OSMR: variants seen among roughly 807,000 people sequenced by gnomAD.
The protein encoded by OSMR is oncostatin-M-specific receptor subunit beta.
Under a neutral mutation model 99.9 loss-of-function variants are expected in OSMR, and 81 were observed. The observed-to-expected ratio is 0.81, with a 90% CI of 0.68 to 0.97. OSMR has a LOEUF of 0.97. Among genes scored for constraint, OSMR ranks in the 50% least tolerant of loss-of-function variants. The pLI is 0.00. For missense variants in OSMR, 1,099 were observed against 1,153.4 expected (o/e 0.95, Z 0.68); for synonymous variants, 406 against 410.4 (o/e 0.99, Z 0.13).
intron 9 of OSMR, among the ~76,000 whole-genome samples, chr5:38,910,057 A>G (rs905156096): frequency 6.6e-6 from 1 of 152,242 alleles, no homozygotes; most frequent in Admixed American, 6.5e-5. Flanking sequence ...CAAAACAGAA[A>G]AAAGCAGGGA....
chr5:38,919,371 T>C (rs777099754), intron 11 of OSMR: 1 of 1,340,576 alleles, frequency 7.5e-7, no homozygotes. Flanking sequence ...CCACTGAGAG[T>C]TGGAGTTACT....
intron 3 of OSMR, 54 bp downstream of exon 3, chr5:38,876,427 C>T (rs760705813): frequency 2.1e-6 from 3 of 1,442,398 alleles, no homozygotes; most frequent in Non-Finnish European, 2.9e-6. Context: ...AAAAAGACAC[C>T]TTGGTTTTCT....
intron 9 of OSMR, among the ~76,000 whole-genome samples, chr5:38,907,116 T>C (rs1157276297): frequency 6.6e-6 from 1 of 152,156 alleles, no homozygotes; most frequent in East Asian, 1.9e-4. Context: ...GCTGATGATA[T>C]GATTCTATAC....
intron 1 of OSMR, among the ~76,000 whole-genome samples, chr5:38,853,934 C>A (rs1404065857): frequency 6.6e-6 from 1 of 151,898 alleles, no homozygotes; most frequent in Non-Finnish European, 1.5e-5. Flanking sequence ...GACTGTGGAG[C>A]CTTGAGGAGG....
intron 15 of OSMR, among the ~76,000 whole-genome samples, chr5:38,926,295 G>A (rs1020186206): frequency 4.6e-5 from 7 of 152,204 alleles, no homozygotes; most frequent in Non-Finnish European, 8.8e-5. Flanking sequence ...TGACCCTGGA[G>A]TGCCCTGACT....
At chr5:38,911,288 T>C (rs923229893) in intron 9 of OSMR, among the ~76,000 whole-genome samples, 2 of 152,142 alleles carry the variant, frequency 1.3e-5, no homozygotes, top group African/African-American at 4.8e-5. Flanking sequence ...CTCTCAGAGA[T>C]TACTGTGAGC....
At chr5:38,924,803 T>C (rs985096624) in intron 14 of OSMR, among the ~76,000 whole-genome samples, 3 of 152,068 alleles carry the variant, frequency 2.0e-5, no homozygotes, top group Non-Finnish European at 4.4e-5. Flanking sequence ...AAAAACAATA[T>C]GACTTGGTAT....
At chr5:38,925,454 C>G in intron 15 of OSMR, 83 bp downstream of exon 15, 2 of 1,252,322 alleles carry the variant, frequency 1.6e-6, no homozygotes, top group Non-Finnish European at 2.3e-6. Context: ...TAGGCTTTGT[C>G]TAGATCAGGA....
rs950674645 is a variant in OSMR, at chr5:38,933,483, TAAG to T, written c.*44_*46del. Reference sequence around the variant, plus strand: ...TTCATACCTTATGCTACACAGACATTAAGAAGAGCAGAGCTGGCACCCTGTCAT... The same window carrying T: ...TTCATACCTTATGCTACACAGACATTAAGAGCAGAGCTGGCACCCTGTCAT... On this transcript the variant is annotated 3_prime_UTR_variant, in exon 18 of 18. Coordinates refer to ENST00000274276, the MANE Select transcript of OSMR (RefSeq NM_003999.3). The T allele has an allele frequency of 1.2e-6, 2 of 1,611,490 alleles. No homozygotes were observed. The highest frequency in any genetic ancestry group is 2.7e-5 in the African/African-American group (2 of 74,870).
At chr5:38,877,955 G>A in intron 3 of OSMR, among the ~76,000 whole-genome samples, 1 of 152,184 alleles carries the variant, frequency 6.6e-6, no homozygotes, top group South Asian at 2.1e-4. Context: ...AATCTTCTAG[G>A]GCTCAAGACC....
chr5:38,937,766 T>C (rs1747131613), downstream of OSMR, among the ~76,000 whole-genome samples: 1 of 152,246 alleles, frequency 6.6e-6, no homozygotes, highest in African/African-American at 2.4e-5. This position sits in a 1 kb window ranked among gnomAD's most constrained non-coding sequence, Gnocchi z 4.0. Flanking sequence ...AGAGTATTAC[T>C]TTAAAATATT....
intron 9 of OSMR, among the ~76,000 whole-genome samples, chr5:38,913,205 A>G (rs1188403733): frequency 6.6e-6 from 1 of 152,128 alleles, no homozygotes; most frequent in Admixed American, 6.5e-5. Context: ...TCCAGCATCT[A>G]TAAGGAACTT....
At chr5:38,902,511 GT>G (rs1744961141) in intron 7 of OSMR, among the ~76,000 whole-genome samples, 1 of 152,184 alleles carries the variant, frequency 6.6e-6, no homozygotes, top group Non-Finnish European at 1.5e-5. Context: ...ATATTGTCAT[GT>G]GGGCTCCAGT....
At chr5:38,901,688 A>T (rs116339028) in intron 7 of OSMR, among the ~76,000 whole-genome samples, 2 of 152,310 alleles carry the variant, frequency 1.3e-5, no homozygotes, top group Admixed American at 1.3e-4. Flanking sequence ...AGAGACTCCA[A>T]TCAGCGTGCA....
intron 3 of OSMR, among the ~76,000 whole-genome samples, chr5:38,880,822 A>G (rs957558667): frequency 1.3e-5 from 2 of 152,228 alleles, no homozygotes; most frequent in African/African-American, 4.8e-5. Context: ...CGGGCCTTTG[A>G]AGCCTGTGGA....
intron 1 of OSMR, among the ~76,000 whole-genome samples, chr5:38,856,526 G>A (rs1302573583): frequency 6.7e-6 from 1 of 149,098 alleles, no homozygotes; most frequent in Non-Finnish European, 1.5e-5. Flanking sequence ...CAACATGTGT[G>A]AACTGATGAC....
intron 4 of OSMR, among the ~76,000 whole-genome samples, chr5:38,883,176 G>C (rs1743431571): frequency 6.6e-6 from 1 of 152,192 alleles, no homozygotes; most frequent in Non-Finnish European, 1.5e-5. Context: ...TCAGCTGGGT[G>C]TGGTGGCACA....
intron 3 of OSMR, among the ~76,000 whole-genome samples, chr5:38,879,862 T>A (rs1324671028): frequency 2.0e-5 from 3 of 152,150 alleles, no homozygotes; most frequent in Non-Finnish European, 4.4e-5. Context: ...GACCTCATGA[T>A]CTGCCTGCCT....
At chr5:38,861,609 G>C (rs188655504) in intron 1 of OSMR, among the ~76,000 whole-genome samples, 168 of 152,310 alleles carry the variant, frequency 1.1e-3, no homozygotes, top group African/African-American at 3.4e-3. Context: ...TTGTCATCCC[G>C]GCCCGCTCTC....
Sources: allele counts gnomAD v4.1 joint callset (sites outside exome capture counted in the v4.1 genomes callset), GRCh38; gene constraint gnomAD v4.1.1; non-coding constraint Gnocchi (gnomAD v3.1); transcripts MANE v1.5; gene names NCBI Gene and HGNC (gene_info 2026-07-23, HGNC 2026-07-21).